Variants in PIEZO2 observed in about 807,000 individuals in gnomAD.
PIEZO2 encodes the protein piezo type mechanosensitive ion channel component 2.
PIEZO2 carries 172 observed loss-of-function variants against 337.3 expected under a neutral mutation model. That is an observed-to-expected ratio of 0.51 (90% confidence interval 0.45 to 0.58). PIEZO2 has a LOEUF of 0.58. Among genes scored for constraint, PIEZO2 ranks in the 20% least tolerant of loss-of-function variants. The pLI is 0.00. For synonymous variants in PIEZO2, 1,251 were observed against 1,228.5 expected (o/e 1.02, Z -0.38); for missense variants, 3,028 against 3,391.3 (o/e 0.89, Z 2.66).
rs188539950 is a variant in PIEZO2, at chr18:10,969,597, G to C, written c.286+9938C>G. 3.0e-4 allele frequency among the ~76,000 whole-genome samples: 46 copies of C among 150,910 alleles called. No individual in the cohort carries two copies. The East Asian group carries it at 8.2e-3, about 27-fold the overall frequency. ...AATGGAAATCCAAATTTTTTTTTGC[G>C]AAGGAAATAAATACCAAGTAACTTA... On this transcript the variant is annotated intron_variant, in intron 3 of 55. Coordinates refer to ENST00000674853, the MANE Select transcript of PIEZO2 (RefSeq NM_001378183.1). The surrounding 1 kb of genome is among the most constrained non-coding windows in gnomAD (Gnocchi z 4.5).
intron 27 of PIEZO2, among the ~76,000 whole-genome samples, chr18:10,755,677 C>A (rs952679433): frequency 1.3e-5 from 2 of 152,144 alleles, no homozygotes; most frequent in African/African-American, 4.8e-5. Flanking sequence ...TGAGGCTGGG[C>A]AGAATGGTGG....
chr18:10,736,439 G>T (rs1429022709), intron 34 of PIEZO2, among the ~76,000 whole-genome samples, 165 bp downstream of exon 34: 1 of 152,014 alleles, frequency 6.6e-6, no homozygotes, highest in Non-Finnish European at 1.5e-5. Flanking sequence ...CTGGGAGCAG[G>T]CATCATTACA....
chr18:10,713,243 G>T lies in PIEZO2; in HGVS notation c.5423+1521C>A, dbSNP rs192662429. ...AAGATCTTTTCATACCAATAAATATGGATCTGCCTCAATAATAATTATTGG... is the reference window on the plus strand; with the variant it reads ...AAGATCTTTTCATACCAATAAATATTGATCTGCCTCAATAATAATTATTGG... On this transcript the variant is annotated intron_variant, in intron 39 of 55. Coordinates refer to ENST00000674853, the MANE Select transcript of PIEZO2 (RefSeq NM_001378183.1). This position sits in a 1 kb window ranked among gnomAD's most constrained non-coding sequence, Gnocchi z 4.5. Among the ~76,000 whole-genome samples, 2 of 152,130 alleles carry T rather than the reference G, an allele frequency of 1.3e-5. No individual in the cohort carries two copies. The highest frequency in any genetic ancestry group is 4.8e-5 in the African/African-American group (2 of 41,492).
intron 2 of PIEZO2, among the ~76,000 whole-genome samples, chr18:11,023,868 G>A (rs2036419424): frequency 1.3e-5 from 2 of 152,348 alleles, no homozygotes; most frequent in Non-Finnish European, 2.9e-5. Flanking sequence ...ACCCAGTACA[G>A]CCTCCGCAGC....
At chr18:11,147,693 C>T (rs1388751532) in intron 1 of PIEZO2, among the ~76,000 whole-genome samples, 2 of 152,222 alleles carry the variant, frequency 1.3e-5, no homozygotes, top group Non-Finnish European at 2.9e-5. Flanking sequence ...ACAGGCACTG[C>T]CTGTTTGAGG....
chr18:10,792,986 T>C (rs372231742), intron 13 of PIEZO2, among the ~76,000 whole-genome samples: 4 of 152,212 alleles, frequency 2.6e-5, no homozygotes, highest in Non-Finnish European at 5.9e-5. Flanking sequence ...CTGGGCACTA[T>C]GGCTCACGCC....
At chr18:10,792,197 C>T (rs1303449885) in intron 13 of PIEZO2, among the ~76,000 whole-genome samples, 1 of 152,242 alleles carries the variant, frequency 6.6e-6, no homozygotes, top group Non-Finnish European at 1.5e-5. Flanking sequence ...GATCCGCCTG[C>T]CTTGGCCTCC....
Position 10,702,095 on chromosome 18 carries a change from T to G in PIEZO2, c.6335A>C (p.Lys2112Thr). The change falls in exon 43 of 56, where the codon AAA (lysine) becomes ACA (threonine). Residue 2112 changes from lysine to threonine, a missense_variant. Lys to Thr is a moderately conservative substitution (Grantham distance 78). This residue lies in a region of PIEZO2 where 1,925 missense variants were observed against 2,051.9 expected (regional missense o/e 0.94). Coordinates refer to ENST00000674853, the MANE Select transcript of PIEZO2 (RefSeq NM_001378183.1). ...WNKNVEVNKDKPYHPPNIIGV... is the reference protein window; with the variant it reads ...WNKNVEVNKDTPYHPPNIIGV... The stretch of plus-strand genomic sequence containing the variant: ...TATGATGTTTGGGGGGTGATACGGT[T>G]TATCTTTGTTCACCTCCACATTCTT... 1 of 1,537,094 alleles carries G rather than the reference T, an allele frequency of 6.5e-7. No homozygotes were observed. The highest frequency in any genetic ancestry group is 8.7e-7 in the Non-Finnish European group (1 of 1,146,858).
chr18:10,677,553 G>T lies in PIEZO2; in HGVS notation c.8081+194C>A. 1 of 561,430 alleles carries T rather than the reference G, an allele frequency of 1.8e-6. No individual in the cohort carries two copies. The allele number at this position is 561,430 out of a possible 1,614,324, so 34.8% of individuals were successfully genotyped here. A position where few individuals can be genotyped will look rare whatever the true frequency, so the allele number is the denominator to read the frequency against. ...TTTGGAACATAGACATAACCCTGGG[G>T]ACAGTGGACAGAAAACTCCATAGCT... On this transcript the variant is annotated intron_variant, in intron 53 of 55. Coordinates refer to ENST00000674853, the MANE Select transcript of PIEZO2 (RefSeq NM_001378183.1). The surrounding 1 kb of genome is among the most constrained non-coding windows in gnomAD (Gnocchi z 4.1).
rs2040034265 is a variant in PIEZO2, at chr18:10,807,358, A to G, written c.918-84T>C. 35 of 1,285,942 alleles carry G rather than the reference A, an allele frequency of 2.7e-5. No homozygotes were observed. The South Asian group carries it at 5.1e-4, about 19-fold the overall frequency. 79.7% of individuals were successfully genotyped at this position (1,285,942 alleles called of 1,614,324 possible). A position where few individuals can be genotyped will look rare whatever the true frequency, so the allele number is the denominator to read the frequency against. ...TGAATAAAAGTACTTTGTTTTTGATACATTCGTGAGCTATTCCTAGGTTGA... is the reference window on the plus strand; with the variant it reads ...TGAATAAAAGTACTTTGTTTTTGATGCATTCGTGAGCTATTCCTAGGTTGA... On this transcript the variant is annotated intron_variant, in intron 7 of 55. Transcript: ENST00000674853.
At position 11,024,917 on chromosome 18, in the gene PIEZO2, G is replaced by A. The variant is rs527642656; in HGVS notation, c.160+41210C>T. On this transcript the variant is annotated intron_variant, in intron 2 of 55. Transcript: ENST00000674853. ...GCCTCCCAAAGTGCTGGAAATACAG[G>A]CATGAGCCACCGTGCCCAGCGAAGG... Among the ~76,000 whole-genome samples, 70 of 151,806 alleles carry A rather than the reference G, an allele frequency of 4.6e-4. 1 individual carries two copies. The South Asian group carries it at 8.3e-3, about 18-fold the overall frequency.
Position 10,877,240 on chromosome 18 carries a change from A to G in PIEZO2, c.330-5825T>C, listed in dbSNP as rs1347787757. ...CTAATCAGCATCCACATGGTGACTTATCCATTCATTTCAATCAGAATCACA... is the reference window on the plus strand; with the variant it reads ...CTAATCAGCATCCACATGGTGACTTGTCCATTCATTTCAATCAGAATCACA... On this transcript the variant is annotated intron_variant, in intron 4 of 55. Transcript: ENST00000674853. This position sits in a 1 kb window ranked among gnomAD's most constrained non-coding sequence, Gnocchi z 5.3. 6.6e-6 allele frequency among the ~76,000 whole-genome samples: 1 copy of G among 152,222 alleles called. No homozygotes were observed. Among genetic ancestry groups the G allele is most frequent in the African/African-American group, 2.4e-5 (1 of 41,464 alleles).
At chr18:10,995,776 G>A in intron 2 of PIEZO2, among the ~76,000 whole-genome samples, 1 of 152,138 alleles carries the variant, frequency 6.6e-6, no homozygotes, top group East Asian at 1.9e-4. Flanking sequence ...CAGGGCTGTG[G>A]AGTTGCTGCC....
Position 11,102,473 on chromosome 18 carries a change from G to A in PIEZO2, c.65-36251C>T, listed in dbSNP as rs2039448741. Reference sequence around the variant, plus strand: ...CCCCACCAGGCTGGTGCAGTGGCAGGTGGCCAGCCTTTACCCTTATTCCCT... The same window carrying A: ...CCCCACCAGGCTGGTGCAGTGGCAGATGGCCAGCCTTTACCCTTATTCCCT... On this transcript the variant is annotated intron_variant, in intron 1 of 55. Coordinates refer to ENST00000674853, the MANE Select transcript of PIEZO2 (RefSeq NM_001378183.1). The surrounding 1 kb of genome is among the most constrained non-coding windows in gnomAD (Gnocchi z 5.7). 6.6e-6 allele frequency among the ~76,000 whole-genome samples: 1 copy of A among 152,174 alleles called. No individual in the cohort carries two copies. Among genetic ancestry groups the A allele is most frequent in the South Asian group, 2.1e-4 (1 of 4,830 alleles).
At chr18:10,852,101 C>A (rs187992400) in intron 7 of PIEZO2, among the ~76,000 whole-genome samples, 164 of 152,228 alleles carry the variant, frequency 1.1e-3, no homozygotes, top group African/African-American at 3.8e-3. Flanking sequence ...AAAAATTAAA[C>A]GTTTAAAGGA....
chr18:10,850,677 C>T lies in PIEZO2; in HGVS notation c.917+4676G>A, dbSNP rs1568128731. 6.6e-6 allele frequency among the ~76,000 whole-genome samples: 1 copy of T among 152,070 alleles called. No individual in the cohort carries two copies. Among genetic ancestry groups the T allele is most frequent in the Non-Finnish European group, 1.5e-5 (1 of 68,020 alleles). Reference sequence around the variant, plus strand: ...ACATTTTATAACATAGGAAAATACACAGTTTGCATAAATACAGCAAATTAT... The same window carrying T: ...ACATTTTATAACATAGGAAAATACATAGTTTGCATAAATACAGCAAATTAT... On this transcript the variant is annotated intron_variant, in intron 7 of 55. Transcript: ENST00000674853. The surrounding 1 kb of genome is among the most constrained non-coding windows in gnomAD (Gnocchi z 4.5).
intron 28 of PIEZO2, among the ~76,000 whole-genome samples, chr18:10,751,821 T>TA (rs2037657622): frequency 6.6e-6 from 1 of 152,230 alleles, no homozygotes; most frequent in Admixed American, 6.5e-5. Flanking sequence ...GGTTGTTGCT[T>TA]AATTTCCCGC....
In PIEZO2 at chr18:10,781,729, T is replaced by C. The variant is rs1450546822; in HGVS notation, c.2493-1363A>G. On this transcript the variant is annotated intron_variant, in intron 17 of 55. Transcript: ENST00000674853. The surrounding 1 kb of genome is among the most constrained non-coding windows in gnomAD (Gnocchi z 4.1). ...AATTCTGCTTCATACACAAGTGACA[T>C]GTGCCTACATTACATCTGTGTGCAT... is the stretch of plus-strand genomic sequence containing the variant. 6.6e-6 allele frequency among the ~76,000 whole-genome samples: 1 copy of C among 152,138 alleles called. No individual in the cohort carries two copies. Among genetic ancestry groups the C allele is most frequent in the Non-Finnish European group, 1.5e-5 (1 of 68,034 alleles).
Position 10,855,632 on chromosome 18 carries a change from GTGACT to G in PIEZO2, c.704-71_704-67del. On this transcript the variant is annotated intron_variant, in intron 6 of 55. Transcript: ENST00000674853. This position sits in a 1 kb window ranked among gnomAD's most constrained non-coding sequence, Gnocchi z 4.9. ...GAAATTCACTTATCATTCAGTGAAT[GTGACT>G]ATTTGAAATTATGTGAATTTCCTTC... 8.2e-7 allele frequency: 1 copy of G among 1,215,152 alleles called. No individual in the cohort carries two copies. The highest frequency in any genetic ancestry group is 1.1e-6 in the Non-Finnish European group (1 of 878,066). The allele number at this position is 1,215,152 out of a possible 1,614,324, so 75.3% of individuals were successfully genotyped here.
Sources: allele counts gnomAD v4.1 joint callset (sites outside exome capture counted in the v4.1 genomes callset), GRCh38; gene constraint gnomAD v4.1.1; regional missense constraint gnomAD v4.1.1; non-coding constraint Gnocchi (gnomAD v3.1); transcripts MANE v1.5; gene names NCBI Gene and HGNC (gene_info 2026-07-23, HGNC 2026-07-21).